Variants in SYNE1 observed in about 807,000 individuals in gnomAD.
SYNE1 encodes the protein spectrin repeat containing nuclear envelope protein 1.
In SYNE1, 616 loss-of-function variants were observed where a neutral mutation model predicts 1,111.0. The observed-to-expected ratio is 0.55, with a 90% CI of 0.52 to 0.59. The LOEUF is 0.59. Ranked by LOEUF, SYNE1 falls within the 20% of genes least tolerant of loss-of-function variation. The pLI is 0.00. For missense variants in SYNE1, 10,006 were observed against 10,417.0 expected (o/e 0.96, Z 1.72); for synonymous variants, 3,855 against 3,825.8 (o/e 1.01, Z -0.28).
At position 152,236,136 on chromosome 6, in the gene SYNE1, T is replaced by G; in HGVS notation, c.20367A>C (p.Arg6789Ser). The change falls in exon 110 of 146, where the codon AGA becomes AGC. Residue 6789 changes from arginine to serine, a missense_variant. Arg to Ser is a moderately radical substitution (Grantham distance 110). Around this residue, in one of 7 missense-constraint regions of SYNE1, gnomAD observed 2,182 missense variants for 2,287.8 expected, o/e 0.95. Transcript: ENST00000367255. ...TCCAGTGTTTCAATATTGTTTCCAG[T>G]CTGTGAAGTTCCTTAGACATTTTAT... ...NTNKMSKELH[R>S]LETILKHWTR... The G allele has an allele frequency of 6.2e-7, 1 of 1,614,200 alleles. No individual in the cohort carries two copies. The highest frequency in any genetic ancestry group is 8.5e-7 in the Non-Finnish European group (1 of 1,180,014).
At chr6:152,341,232 C>G (rs1217776107) in intron 74 of SYNE1, among the ~76,000 whole-genome samples, 1 of 152,140 alleles carries the variant, frequency 6.6e-6, no homozygotes, top group Non-Finnish European at 1.5e-5. Context: ...CATCATGCAC[C>G]TATGACCCAG....
chr6:152,307,272 A>G (rs1360903763), intron 91 of SYNE1, among the ~76,000 whole-genome samples: 1 of 152,186 alleles, frequency 6.6e-6, no homozygotes, highest in African/African-American at 2.4e-5. Context: ...GAAAATTATT[A>G]ATGTTTGTAG....
Position 152,337,125 on chromosome 6 carries a change from A to C in SYNE1, c.12352-108T>G, listed in dbSNP as rs571594519. ...TGGCCTGTGCACTCATTTGACACAC[A>C]CATACACACGCAAACTCACACACAC... On this transcript the variant is annotated intron_variant, in intron 75 of 145. Transcript: ENST00000367255. 6.0e-5 allele frequency: 63 copies of C among 1,046,046 alleles called. No homozygotes were observed. In the African/African-American group the frequency reaches 8.7e-4, roughly 15 times the overall value. 64.8% of individuals were successfully genotyped at this position (1,046,046 alleles called of 1,614,324 possible).
rs535867103 is a variant in SYNE1 at position 152,433,730 on chromosome 6, A to G, written c.4461+65T>C. The G allele has an allele frequency of 7.9e-5, 125 of 1,582,068 alleles. No homozygotes were observed. The African/African-American group carries it at 1.5e-3, about 20-fold the overall frequency. On this transcript the variant is annotated intron_variant, in intron 34 of 145. Transcript: ENST00000367255. ...TCCTGGGACCGAACAGCATTTGATG[A>G]AATGTAAGAAAGTAGTTCTTAAAAG...
At chr6:152,391,123 T>C (rs2097613968) in intron 52 of SYNE1, among the ~76,000 whole-genome samples, 154 bp downstream of exon 52, 1 of 152,198 alleles carries the variant, frequency 6.6e-6, no homozygotes, top group Non-Finnish European at 1.5e-5. Flanking sequence ...GGAAAAATGA[T>C]GCCTCTGTAT....
chr6:152,494,019 C>T (rs1391783905), intron 11 of SYNE1, among the ~76,000 whole-genome samples: 1 of 152,184 alleles, frequency 6.6e-6, no homozygotes, highest in African/African-American at 2.4e-5. Flanking sequence ...AAGTACAGGA[C>T]TGTGCAGTCA....
intron 91 of SYNE1, among the ~76,000 whole-genome samples, chr6:152,306,200 C>T (rs1270015944): frequency 6.6e-6 from 1 of 151,922 alleles, no homozygotes; most frequent in Non-Finnish European, 1.5e-5. Flanking sequence ...AAAATCCTTA[C>T]CCCGGCCAGT....
chr6:152,468,965 A>G (rs2098788453), intron 16 of SYNE1, among the ~76,000 whole-genome samples: 1 of 151,954 alleles, frequency 6.6e-6, no homozygotes, highest in Admixed American at 6.6e-5. Context: ...TTTTGTAGAG[A>G]CAGAGTCTCA....
In SYNE1 at chr6:152,148,006, T is replaced by A; in HGVS notation, c.24976+39A>T. On this transcript the variant is annotated intron_variant, in intron 137 of 145. Coordinates refer to ENST00000367255, the MANE Select transcript of SYNE1 (RefSeq NM_182961.4). The surrounding 1 kb of genome is among the most constrained non-coding windows in gnomAD (Gnocchi z 4.1). Reference sequence around the variant, plus strand: ...CAGGGCAATATTAATTCCCTCTGACTTTCCTTTAAGCTGGCAAACTGGAGA... The same window carrying A: ...CAGGGCAATATTAATTCCCTCTGACATTCCTTTAAGCTGGCAAACTGGAGA... 1 of 1,569,482 alleles carries A rather than the reference T, an allele frequency of 6.4e-7. No homozygotes were observed.
chr6:152,549,359 C>A (rs1247435100), intron 3 of SYNE1, among the ~76,000 whole-genome samples: 1 of 152,208 alleles, frequency 6.6e-6, no homozygotes, highest in Non-Finnish European at 1.5e-5. Context: ...TGTGAGAAAG[C>A]ATGAATTCTG....
chr6:152,468,172 G>C (rs1207974784), intron 16 of SYNE1, among the ~76,000 whole-genome samples: 1 of 152,104 alleles, frequency 6.6e-6, no homozygotes, highest in Non-Finnish European at 1.5e-5. Flanking sequence ...CAAGATGAGT[G>C]TAAATATAAT....
intron 130 of SYNE1, among the ~76,000 whole-genome samples, chr6:152,166,758 T>TA (rs2063742184): frequency 6.6e-6 from 1 of 152,172 alleles, no homozygotes; most frequent in African/African-American, 2.4e-5. Context: ...TTTCATTTTT[T>TA]TAAAAATTGT....
In SYNE1 at chr6:152,364,970, A is replaced by G. The variant is rs138693624; in HGVS notation, c.10022T>C (p.Val3341Ala). 1.6e-3 allele frequency: 2,541 copies of G among 1,614,242 alleles called. 33 individuals are homozygous for G. The African/African-American group carries it at 0.029, about 18-fold the overall frequency. ...CTGAAGGACAGATTCTCCCCTGGTC[A>G]CTATCATTTTCATCTGAATCTCTTT... ...QEKEIQMKMI[V>A]TRGESVLQNT... The change falls in exon 63 of 146, where the codon GTG (valine) becomes GCG (alanine). Residue 3341 changes from valine (V) to alanine (A), a missense_variant. Physicochemically the swap from Val to Ala is moderately conservative, Grantham distance 64. Around this residue, in one of 7 missense-constraint regions of SYNE1, gnomAD observed 4,955 missense variants for 5,017.2 expected, o/e 0.99. Transcript: ENST00000367255.
intron 121 of SYNE1, among the ~76,000 whole-genome samples, 197 bp downstream of exon 121, chr6:152,218,060 T>G (rs1275090675): frequency 6.6e-6 from 1 of 151,818 alleles, no homozygotes; most frequent in Non-Finnish European, 1.5e-5. Flanking sequence ...CCAGGAGTGG[T>G]GGCGTGCCCC....
intron 141 of SYNE1, among the ~76,000 whole-genome samples, chr6:152,135,890 CTT>C (rs943047840): frequency 2.0e-5 from 3 of 152,276 alleles, no homozygotes; most frequent in African/African-American, 7.2e-5. Context: ...CTCAGTCTTT[CTT>C]CTCACTCCCT....
chr6:152,623,162 A>G lies in SYNE1; in HGVS notation c.67+5103T>C, dbSNP rs545565791. Among the ~76,000 whole-genome samples, 12 of 152,280 alleles carry G rather than the reference A, an allele frequency of 7.9e-5. No individual in the cohort carries two copies. In the East Asian group the frequency reaches 9.7e-4, roughly 12 times the overall value. ...GGTACAAAAACAGACACATAAATCA[A>G]TGGAACAGAACAGAGAACCCAGAAA... On this transcript the variant is annotated intron_variant, in intron 3 of 145. Coordinates refer to ENST00000367255, the MANE Select transcript of SYNE1 (RefSeq NM_182961.4).
At chr6:152,563,140 T>A (rs890132906) in intron 3 of SYNE1, among the ~76,000 whole-genome samples, 6 of 152,022 alleles carry the variant, frequency 3.9e-5, no homozygotes, top group Admixed American at 2.6e-4. Context: ...CCTTTTATCA[T>A]ACCCGGAGTC....
At position 152,629,467 on chromosome 6, in the gene SYNE1, A is replaced by G. The variant is rs9371259; in HGVS notation, c.-223-913T>C. Among the ~76,000 whole-genome samples, 23 of 128,564 alleles carry G rather than the reference A, an allele frequency of 1.8e-4. No individual in the cohort carries two copies. In the East Asian group the frequency reaches 6.1e-3, roughly 34 times the overall value. 84.3% of individuals were successfully genotyped at this position (128,564 alleles called of 152,430 possible). A position where few individuals can be genotyped will look rare whatever the true frequency, so the allele number is the denominator to read the frequency against. ...GTGATCTGCCCACCTCGGCCTCCCA[A>G]ACTGTTGGGATTACAGGTGTGAGCC... On this transcript the variant is annotated intron_variant, in intron 2 of 145. Coordinates refer to ENST00000367255, the MANE Select transcript of SYNE1 (RefSeq NM_182961.4).
intron 34 of SYNE1, chr6:152,433,482 G>A (rs1475714773): frequency 5.4e-6 from 2 of 369,280 alleles, no homozygotes; most frequent in Non-Finnish European, 1.0e-5. Context: ...TAATGAACCG[G>A]CAGAGCATTC....
Sources: allele counts gnomAD v4.1 joint callset (sites outside exome capture counted in the v4.1 genomes callset), GRCh38; gene constraint gnomAD v4.1.1; regional missense constraint gnomAD v4.1.1; non-coding constraint Gnocchi (gnomAD v3.1); transcripts MANE v1.5; gene names NCBI Gene and HGNC (gene_info 2026-07-23, HGNC 2026-07-21).